TRAK2: variants seen among roughly 807,000 people sequenced by gnomAD.
TRAK2 encodes the protein trafficking kinesin protein 2.
Under a neutral mutation model 104.6 loss-of-function variants are expected in TRAK2, and 81 were observed. That is an observed-to-expected ratio of 0.77 (90% CI 0.65 to 0.93). The LOEUF is 0.93. Among genes scored for constraint, TRAK2 ranks in the 40% least tolerant of loss-of-function variants. The pLI is 0.00. For missense variants in TRAK2, 1,002 were observed against 1,089.0 expected, an observed-to-expected ratio of 0.92 and a Z score of 1.12; for synonymous variants, 406 against 394.4, an observed-to-expected ratio of 1.03 and a Z score of -0.35.
chr2:201,399,066 T>C (rs886237710), intron 5 of TRAK2, among the ~76,000 whole-genome samples: 5 of 140,112 alleles, frequency 3.6e-5, no homozygotes, highest in Non-Finnish European at 8.0e-5. Context: ...TTTTTAAAAA[T>C]AAATTTCAGA....
At chr2:201,405,707 G>A (rs945273376) in intron 3 of TRAK2, among the ~76,000 whole-genome samples, 4 of 152,140 alleles carry the variant, frequency 2.6e-5, no homozygotes, top group Admixed American at 1.3e-4. Flanking sequence ...AATTTAGGCC[G>A]GGCGCAGTGG....
At chr2:201,432,390 ATCTT>A in intron 1 of TRAK2, among the ~76,000 whole-genome samples, 1 of 152,302 alleles carries the variant, frequency 6.6e-6, no homozygotes, top group Non-Finnish European at 1.5e-5. Context: ...TCTTTGCCGG[ATCTT>A]TATTCAACCT....
In TRAK2 at chr2:201,380,941, G is replaced by T. The variant is rs758793563; in HGVS notation, c.2347C>A (p.His783Asn). ...GGTAAAGGAGAAGGGCAAGGTGAGT[G>T]AGATGGTGAATTTGGTGGTGTGGAA... ...IPSTPPNSPS[H>N]SPCPSPLPFE... The change falls in exon 16 of 16, where the codon CAC becomes AAC. Residue 783 changes from histidine (H) to asparagine (N), a missense_variant. By Grantham distance (68) the His-to-Asn change is moderately conservative. Coordinates refer to ENST00000332624, the MANE Select transcript of TRAK2 (RefSeq NM_015049.3). The T allele has an allele frequency of 1.9e-5, 31 of 1,614,142 alleles. No individual in the cohort carries two copies. The highest frequency in any genetic ancestry group is 2.5e-5 in the Non-Finnish European group (30 of 1,179,996).
At position 201,389,644 on chromosome 2, in the gene TRAK2, C is replaced by A. The variant is rs1424223141; in HGVS notation, c.1194-141G>T. 6.4e-6 allele frequency: 7 copies of A among 1,090,054 alleles called. No individual in the cohort carries two copies. The East Asian group carries it at 1.7e-4, about 26-fold the overall frequency. The allele number at this position is 1,090,054 out of a possible 1,614,324, so 67.5% of individuals were successfully genotyped here. On this transcript the variant is annotated intron_variant, in intron 11 of 15. Transcript: ENST00000332624. ...AATCATCAGAAAATAAGCTTTCAAA[C>A]AAGAGAACTCTCTCACAAAAAAAGG...
chr2:201,415,479 T>C (rs1409684421), intron 2 of TRAK2, among the ~76,000 whole-genome samples: 4 of 152,146 alleles, frequency 2.6e-5, no homozygotes, highest in Non-Finnish European at 4.4e-5. Flanking sequence ...CTATTTTTAA[T>C]ATGCTCAAAG....
chr2:201,404,043 T>G (rs1253112761), intron 3 of TRAK2, among the ~76,000 whole-genome samples: 1 of 152,136 alleles, frequency 6.6e-6, no homozygotes, highest in African/African-American at 2.4e-5. Flanking sequence ...AGTTCTGTCT[T>G]CTCTTCCTTA....
At chr2:201,409,146 G>C (rs1314455420) in intron 2 of TRAK2, among the ~76,000 whole-genome samples, 2 of 152,104 alleles carry the variant, frequency 1.3e-5, no homozygotes, top group Admixed American at 1.3e-4. Flanking sequence ...CTAACCCTCA[G>C]TTTCCTCATC....
Position 201,380,103 on chromosome 2 carries a change from C to T in TRAK2, c.*440G>A. On this transcript the variant is annotated 3_prime_UTR_variant, in exon 16 of 16. Coordinates refer to ENST00000332624, the MANE Select transcript of TRAK2 (RefSeq NM_015049.3). ...CAGTAATAGACTGAGCTTACCCCAC[C>T]AACCCCTCAGAACGGCTTTCTATAA... is the stretch of plus-strand genomic sequence containing the variant. 5.3e-6 allele frequency: 1 copy of T among 189,182 alleles called. No individual in the cohort carries two copies. The highest frequency in any genetic ancestry group is 1.1e-5 in the Non-Finnish European group (1 of 89,526). 11.7% of individuals were successfully genotyped at this position (189,182 alleles called of 1,614,324 possible). A position where few individuals can be genotyped will look rare whatever the true frequency, so the allele number is the denominator to read the frequency against.
chr2:201,407,905 T>C (rs1951609626), intron 2 of TRAK2, among the ~76,000 whole-genome samples: 1 of 152,216 alleles, frequency 6.6e-6, no homozygotes, highest in African/African-American at 2.4e-5. Flanking sequence ...ATGTGATATT[T>C]TGACACCTGT....
At chr2:201,424,478 G>A (rs190915725) in intron 1 of TRAK2, among the ~76,000 whole-genome samples, 95 of 152,140 alleles carry the variant, frequency 6.2e-4, no homozygotes, top group Middle Eastern at 3.4e-3. Context: ...TCATGCACTC[G>A]TTTGTAACTG....
intron 15 of TRAK2, 127 bp from the exon 16 acceptor site, chr2:201,381,345 G>T (rs1171130423): frequency 2.5e-6 from 2 of 811,134 alleles, no homozygotes; most frequent in East Asian, 2.7e-5. Context: ...AAACACATCC[G>T]TAACTGTATG....
intron 2 of TRAK2, chr2:201,412,903 G>A (rs1951660360): frequency 1.3e-6 from 1 of 792,198 alleles, no homozygotes; most frequent in South Asian, 1.4e-5. Flanking sequence ...TATAGGGAAA[G>A]GGAGATTTTC....
chr2:201,425,371 T>A (rs1025444359), intron 1 of TRAK2, among the ~76,000 whole-genome samples: 3 of 152,226 alleles, frequency 2.0e-5, no homozygotes, highest in Non-Finnish European at 4.4e-5. Flanking sequence ...TGCATTTAAA[T>A]GTTATTTTCA....
At position 201,379,533 on chromosome 2, in the gene TRAK2, T is replaced by C. The variant is rs2125637903; in HGVS notation, c.*1010A>G. On this transcript the variant is annotated 3_prime_UTR_variant, in exon 16 of 16. Coordinates refer to ENST00000332624, the MANE Select transcript of TRAK2 (RefSeq NM_015049.3). ...TACATGTCATCTTTCATTAAAAATA[T>C]GCATAGCGCACTTTGGAAAAAGTTG... 1 of 152,732 alleles carries C rather than the reference T, an allele frequency of 6.5e-6. No homozygotes were observed. Among genetic ancestry groups the C allele is most frequent in the South Asian group, 2.1e-4 (1 of 4,834 alleles). The allele number at this position is 152,732 out of a possible 1,614,324, so 9.5% of individuals were successfully genotyped here.
At chr2:201,381,655 T>A (rs187924376) in intron 15 of TRAK2, among the ~76,000 whole-genome samples, 18 of 152,314 alleles carry the variant, frequency 1.2e-4, no homozygotes, top group Admixed American at 1.0e-3. Context: ...CAATAATCCA[T>A]GGGTAAACAG....
At chr2:201,432,957 C>T (rs1412011168) in intron 1 of TRAK2, among the ~76,000 whole-genome samples, 1 of 152,212 alleles carries the variant, frequency 6.6e-6, no homozygotes, top group Non-Finnish European at 1.5e-5. Context: ...AGCAATAGCT[C>T]TCTTAGGCAG....
chr2:201,399,245 G>A, intron 5 of TRAK2, 132 bp downstream of exon 5: 1 of 591,826 alleles, frequency 1.7e-6, no homozygotes, highest in Non-Finnish European at 3.0e-6. Flanking sequence ...TAGTTTAATG[G>A]ACACCAACAA....
chr2:201,421,469 T>C (rs1268680353), intron 1 of TRAK2, among the ~76,000 whole-genome samples: 2 of 152,186 alleles, frequency 1.3e-5, no homozygotes, highest in African/African-American at 2.4e-5. Context: ...ATGTGCATTG[T>C]AGGATCTTTT....
Position 201,447,462 on chromosome 2 carries a change from C to A in TRAK2, c.-200+3888G>T, listed in dbSNP as rs1051558232. ...ACCACAGACTGGGTGGCTTCAACAA[C>A]AGAAATTTATTTTTTCACAATACTG... On this transcript the variant is annotated intron_variant, in intron 1 of 15. Transcript: ENST00000332624. The surrounding 1 kb of genome is among the most constrained non-coding windows in gnomAD (Gnocchi z 4.1). Among the ~76,000 whole-genome samples the A allele has an allele frequency of 1.3e-5, 2 of 152,156 alleles. No individual in the cohort carries two copies. Among genetic ancestry groups the A allele is most frequent in the African/African-American group, 4.8e-5 (2 of 41,436 alleles).
Sources: gnomAD v4.1 joint callset for allele counts (sites outside exome capture counted in the v4.1 genomes callset) on GRCh38, gnomAD v4.1.1 for gene constraint, Gnocchi (gnomAD v3.1) non-coding constraint, MANE v1.5 for transcripts, NCBI Gene and HGNC (gene_info 2026-07-23, HGNC 2026-07-21) for gene names.